Variants in FOXN3 observed in about 807,000 individuals in gnomAD.
The protein encoded by FOXN3 is forkhead box protein N3.
A neutral mutation model predicts 38.4 loss-of-function variants in FOXN3; 7 were observed. The ratio of observed to expected loss-of-function variants is 0.18; its 90% CI spans 0.10 to 0.34. The LOEUF is 0.34. FOXN3 is among the 10% of genes least tolerant of loss of function. FOXN3 has a pLI of 1.00. For missense variants in FOXN3, 456 were observed against 613.4 expected, an observed-to-expected ratio of 0.74 and a Z score of 2.71; for synonymous variants, 230 against 242.2, an observed-to-expected ratio of 0.95 and a Z score of 0.47.
intron 1 of FOXN3, among the ~76,000 whole-genome samples, chr14:89,546,323 C>CTTTTTTT (rs1566694411): frequency 2.2e-4 from 10 of 45,956 alleles, no homozygotes; most frequent in African/African-American, 4.2e-4. Context: ...TTCTTTTTTC[C>CTTTTTTT]TTTTTCTTTT....
intron 4 of FOXN3, among the ~76,000 whole-genome samples, chr14:89,276,448 T>C (rs1886303556): frequency 6.6e-6 from 1 of 151,622 alleles, no homozygotes. Context: ...ACCAGAAGGG[T>C]ATAAGGGTGT....
At position 89,163,089 on chromosome 14, in the gene FOXN3, G is replaced by T; in HGVS notation, c.852-120C>A. 1.1e-6 allele frequency: 1 copy of T among 925,434 alleles called. No homozygotes were observed. Among genetic ancestry groups the T allele is most frequent in the Non-Finnish European group, 1.5e-6 (1 of 655,890 alleles). 57.3% of individuals were successfully genotyped at this position (925,434 alleles called of 1,614,324 possible). ...AACCATCAGTCCCTTTGTGTTCAAT[G>T]GAGCCACTCGCAAACTGTGGGGGCA... is the stretch of plus-strand genomic sequence containing the variant. On this transcript the variant is annotated intron_variant, in intron 5 of 5. Coordinates refer to ENST00000557258, the MANE Select transcript of FOXN3 (RefSeq NM_005197.4). This position sits in a 1 kb window ranked among gnomAD's most constrained non-coding sequence, Gnocchi z 4.3.
intron 3 of FOXN3, among the ~76,000 whole-genome samples, chr14:89,288,907 C>T (rs1048813761): frequency 2.0e-5 from 3 of 151,254 alleles, no homozygotes; most frequent in Non-Finnish European, 4.4e-5. Flanking sequence ...AACATGGGGC[C>T]GGGTGTGGTG....
At chr14:89,264,070 A>C (rs1885891681) in intron 4 of FOXN3, 1 of 152,404 alleles carries the variant, frequency 6.6e-6, no homozygotes, top group South Asian at 2.1e-4. Flanking sequence ...AAAAAAAAGA[A>C]AGAAAGAAAA....
chr14:89,230,180 A>G (rs937859820), intron 4 of FOXN3, among the ~76,000 whole-genome samples: 1 of 152,226 alleles, frequency 6.6e-6, no homozygotes, highest in Non-Finnish European at 1.5e-5. Flanking sequence ...ATGTCTGTGA[A>G]CCCAAGAACA....
intron 1 of FOXN3, among the ~76,000 whole-genome samples, chr14:89,527,371 T>C (rs780802924): frequency 2.6e-5 from 4 of 152,180 alleles, no homozygotes; most frequent in Non-Finnish European, 5.9e-5. Flanking sequence ...AATGAGAAAG[T>C]TGGATAAATA....
In FOXN3 at chr14:89,548,624, C is replaced by G. The variant is rs1230566479; in HGVS notation, c.-15+70404G>C. 6.6e-6 allele frequency among the ~76,000 whole-genome samples: 1 copy of G among 152,042 alleles called. No homozygotes were observed. Among genetic ancestry groups the G allele is most frequent in the African/African-American group, 2.4e-5 (1 of 41,394 alleles). ...ATGTAAAAGTATTCTATAATTAGAA[C>G]CTTAATGTAAATGTAAGTTATTACC... On this transcript the variant is annotated intron_variant, in intron 1 of 6. Transcript: ENST00000345097. This position sits in a 1 kb window ranked among gnomAD's most constrained non-coding sequence, Gnocchi z 4.8.
intron 1 of FOXN3, among the ~76,000 whole-genome samples, chr14:89,556,216 C>G (rs1210920697): frequency 6.6e-6 from 1 of 151,920 alleles, no homozygotes; most frequent in African/African-American, 2.4e-5. Context: ...CCAGCCTGAC[C>G]AACATGGAGA....
At chr14:89,360,727 C>CTA (rs1566966334) in intron 2 of FOXN3, among the ~76,000 whole-genome samples, 15 of 136,764 alleles carry the variant, frequency 1.1e-4, no homozygotes, top group Admixed American at 2.1e-4. Flanking sequence ...ACCTCCACCA[C>CTA]CACCACCTCC....
intron 1 of FOXN3, among the ~76,000 whole-genome samples, chr14:89,519,335 C>A (rs994445699): frequency 6.6e-6 from 1 of 152,144 alleles, no homozygotes; most frequent in Non-Finnish European, 1.5e-5. Flanking sequence ...TTTCTCTTCA[C>A]ACTGCCTCCC....
chr14:89,405,910 T>C (rs192983097), intron 2 of FOXN3, among the ~76,000 whole-genome samples: 1 of 152,176 alleles, frequency 6.6e-6, no homozygotes, highest in Non-Finnish European at 1.5e-5. Flanking sequence ...TTGGAGGGAA[T>C]CGGGCCAAGC....
chr14:89,412,042 C>T lies in FOXN3; in HGVS notation c.435G>A (p.Leu145=), dbSNP rs746156220. 4.3e-6 allele frequency: 7 copies of T among 1,613,058 alleles called. No individual in the cohort carries two copies. Among genetic ancestry groups the T allele is most frequent in the Non-Finnish European group, 5.9e-6 (7 of 1,179,588 alleles). Residue 145 remains leucine, a synonymous_variant, in exon 2 of 6, where the codon TTG becomes TTA. Transcript: ENST00000557258. The surrounding 1 kb of genome is among the most constrained non-coding windows in gnomAD (Gnocchi z 4.7). ...LPVKDIYNWI[L]EHFPYFANAP... ...CATTTGCAAAATACGGAAAATGTTC[C>T]AAGATCCAGTTGTAGATATCCTTCA...
chr14:89,381,513 CA>C lies in FOXN3; in HGVS notation c.543+30420del, dbSNP rs1215216593. On this transcript the variant is annotated intron_variant, in intron 2 of 5. Coordinates refer to ENST00000557258, the MANE Select transcript of FOXN3 (RefSeq NM_005197.4). ...CTGGCTAGGCCCTGCACCTGCAGCCCAAAAAAAGCCTCAAAAAGCAAAAAAA... is the reference window on the plus strand; with the variant it reads ...CTGGCTAGGCCCTGCACCTGCAGCCCAAAAAAGCCTCAAAAAGCAAAAAAA... 5.3e-3 allele frequency among the ~76,000 whole-genome samples: 243 copies of C among 45,436 alleles called. 2 individuals carry two copies. The highest frequency in any genetic ancestry group is 0.031 in the Middle Eastern group (2 of 64). The allele number at this position is 45,436 out of a possible 152,430, so 29.8% of individuals were successfully genotyped here. A position where few individuals can be genotyped will look rare whatever the true frequency, so the allele number is the denominator to read the frequency against.
At chr14:89,585,556 G>A (rs942496724) in intron 1 of FOXN3, among the ~76,000 whole-genome samples, 2 of 151,986 alleles carry the variant, frequency 1.3e-5, no homozygotes, top group African/African-American at 4.8e-5. Context: ...CATTACTGGA[G>A]GCCCTTGGGA....
At chr14:89,233,073 C>T (rs772918738) in intron 4 of FOXN3, among the ~76,000 whole-genome samples, 3 of 152,184 alleles carry the variant, frequency 2.0e-5, no homozygotes, top group African/African-American at 4.8e-5. Flanking sequence ...AAATTACATT[C>T]GAGGGCATCC....
At chr14:89,447,574 G>C (rs1892529068) in intron 1 of FOXN3, among the ~76,000 whole-genome samples, 1 of 151,922 alleles carries the variant, frequency 6.6e-6, no homozygotes, top group Non-Finnish European at 1.5e-5. Context: ...ACCTAATATT[G>C]CCACGAGGAG....
chr14:89,538,893 G>T (rs1300489612), intron 1 of FOXN3, among the ~76,000 whole-genome samples: 1 of 151,736 alleles, frequency 6.6e-6, no homozygotes, highest in Non-Finnish European at 1.5e-5. Flanking sequence ...GCCCCGGCTG[G>T]AGTGCAGTGG....
Position 89,198,267 on chromosome 14 carries a change from T to C in FOXN3, c.746-17461A>G, listed in dbSNP as rs115778999. ...TACATAGTATTTACATTGTATGACG[T>C]ATTATAAGTAACCTAGAGATAATAC... On this transcript the variant is annotated intron_variant, in intron 4 of 5. Coordinates refer to ENST00000557258, the MANE Select transcript of FOXN3 (RefSeq NM_005197.4). Among the ~76,000 whole-genome samples, 726 of 152,338 alleles carry C rather than the reference T, an allele frequency of 4.8e-3. 4 individuals are homozygous for C. The highest frequency in any genetic ancestry group is 0.017 in the African/African-American group (701 of 41,566).
At chr14:89,379,505 T>C (rs1312593687) in intron 2 of FOXN3, among the ~76,000 whole-genome samples, 1 of 152,152 alleles carries the variant, frequency 6.6e-6, no homozygotes, top group Non-Finnish European at 1.5e-5. Context: ...CTCCAGACCT[T>C]GGCAAGTGTG....
Sources: gnomAD v4.1 joint callset for allele counts (sites outside exome capture counted in the v4.1 genomes callset) on GRCh38, gnomAD v4.1.1 for gene constraint, Gnocchi (gnomAD v3.1) non-coding constraint, MANE v1.5 for transcripts, NCBI Gene and HGNC (gene_info 2026-07-23, HGNC 2026-07-21) for gene names.